The following CYBC1 variants were observed in gnomAD, a reference collection of about 807,000 sequenced individuals.
CYBC1 encodes the protein cytochrome b-245 chaperone 1.
A neutral mutation model predicts 21.7 loss-of-function variants in CYBC1; 22 were observed. The ratio of observed to expected loss-of-function variants is 1.02; its 90% confidence interval spans 0.73 to 1.45. The LOEUF is 1.45. Among genes scored for constraint, CYBC1 ranks in the 40% most tolerant of loss-of-function variants. The probability of loss-of-function intolerance (pLI) is 0.00; values close to 1 mark genes in which losing one functional copy is unlikely to be tolerated. For synonymous variants in CYBC1, 112 were observed against 98.7 expected (o/e 1.13, Z -0.80); for missense variants, 237 against 242.1 (o/e 0.98, Z 0.14).
chr17:82,445,892 C>A lies in CYBC1; in HGVS notation c.270G>T (p.Leu90=), dbSNP rs1043708172. Reference sequence around the variant, plus strand: ...GGTCGTGGCCAGCTCTGAAAAGAGTCAGCAGCTTCTTGTAGAGGCTGAACG... The same window carrying A: ...GGTCGTGGCCAGCTCTGAAAAGAGTAAGCAGCTTCTTGTAGAGGCTGAACG... ...LKTFSLYKKL[L]TLFRAGHDQV... Residue 90 remains leucine, a synonymous_variant, in exon 5 of 7, where the codon CTG becomes CTT. Transcript: ENST00000306645. 1 of 1,613,034 alleles carries A rather than the reference C, an allele frequency of 6.2e-7. No homozygotes were observed. Among genetic ancestry groups the A allele is most frequent in the Admixed American group, 1.7e-5 (1 of 59,854 alleles).
chr17:82,444,672 C>G, intron 5 of CYBC1, 81 bp from the exon 6 acceptor site: 2 of 1,485,324 alleles, frequency 1.3e-6, no homozygotes, highest in African/African-American at 1.4e-5. Flanking sequence ...CTGGCATCAT[C>G]GAAAGCGACA....
intron 3 of CYBC1, chr17:82,447,008 C>T (rs2054335075): frequency 2.1e-6 from 1 of 465,596 alleles, no homozygotes; most frequent in Admixed American, 3.8e-5. Flanking sequence ...CTTAGATCCT[C>T]AAGAGCATCT....
Position 82,445,907 on chromosome 17 carries a change from G to A in CYBC1, c.255C>T (p.Leu85=), listed in dbSNP as rs1350496429. The A allele has an allele frequency of 6.2e-7, 1 of 1,613,732 alleles. No homozygotes were observed. The highest frequency in any genetic ancestry group is 2.2e-5 in the East Asian group (1 of 44,888). ...TGKVVLKTFS[L]YKKLLTLFRA... is the part of the protein sequence containing the mutation. ...TGAAAAGAGTCAGCAGCTTCTTGTAGAGGCTGAACGTCTTCAAAACAACCT... is the reference window on the plus strand; with the variant it reads ...TGAAAAGAGTCAGCAGCTTCTTGTAAAGGCTGAACGTCTTCAAAACAACCT... The change falls in exon 5 of 7, where the codon CTC becomes CTT. Residue 85 remains leucine (L), a synonymous_variant. Coordinates refer to ENST00000306645, the MANE Select transcript of CYBC1 (RefSeq NM_001033046.4).
intron 5 of CYBC1, chr17:82,445,287 G>A (rs1321967370): frequency 6.4e-6 from 1 of 156,292 alleles, no homozygotes; most frequent in Non-Finnish European, 1.4e-5. Context: ...GACCACAGCT[G>A]GGCCAGTGCC....
intron 4 of CYBC1, 120 bp downstream of exon 4, chr17:82,446,503 C>G: frequency 2.3e-6 from 2 of 879,808 alleles, no homozygotes; most frequent in South Asian, 1.5e-5. Flanking sequence ...CAGGGACCAA[C>G]GCTTCAGGAC....
chr17:82,449,750 A>ATCTCAGCTCTC (rs1457519342), intron 1 of CYBC1: 1 of 154,402 alleles, frequency 6.5e-6, no homozygotes, highest in African/African-American at 2.4e-5. Context: ...TGGACCAACG[A>ATCTCAGCTCTC]TCTCAGCTCT....
chr17:82,446,008 C>T, intron 4 of CYBC1, 48 bp from the exon 5 acceptor site: 3 of 1,531,742 alleles, frequency 2.0e-6, no homozygotes, highest in South Asian at 1.1e-5. Flanking sequence ...GGAACGGGGG[C>T]CCCGTGGCCG....
chr17:82,446,784 G>C (rs2054320286), intron 3 of CYBC1, 88 bp from the exon 4 acceptor site: 2 of 1,371,208 alleles, frequency 1.5e-6, no homozygotes, highest in African/African-American at 1.4e-5. Context: ...CCAGACGCTG[G>C]CCAGAGCCCA....
rs764719273 is a variant in CYBC1, at chr17:82,443,576, G to A, written c.*428C>T. The stretch of plus-strand genomic sequence containing the variant: ...CCTGGCCCCGCCTCTCCACTCGCCC[G>A]AGGTCTTGCTGTGGCCCAAAGCAGG... On this transcript the variant is annotated 3_prime_UTR_variant, in exon 7 of 7. Transcript: ENST00000306645. The surrounding 1 kb of genome is among the most constrained non-coding windows in gnomAD (Gnocchi z 6.7). The A allele has an allele frequency of 1.4e-4, 97 of 696,572 alleles. No homozygotes were observed. Among genetic ancestry groups the A allele is most frequent in the South Asian group, 1.8e-4 (12 of 67,140 alleles). 43.1% of individuals were successfully genotyped at this position (696,572 alleles called of 1,614,324 possible).
chr17:82,445,948 C>T lies in CYBC1; in HGVS notation c.214G>A (p.Asp72Asn), dbSNP rs760847118. 112 of 1,613,408 alleles carry T rather than the reference C, an allele frequency of 6.9e-5. 1 individual carries two copies. In the South Asian group the frequency reaches 9.4e-4, roughly 14 times the overall value. ...AAAACAACCTTCCCTGTGCTCTTGT[C>T]GAAGATGGCTTCCTGGAAACCGACA... is the stretch of plus-strand genomic sequence containing the variant. Reference protein sequence around the residue: ...NLEDWEEAIFDKSTGKVVLKT... With the variant: ...NLEDWEEAIFNKSTGKVVLKT... Residue 72 changes from aspartate to asparagine, a missense_variant, in exon 5 of 7, where the codon GAC (aspartate) becomes AAC (asparagine). Transcript: ENST00000306645.
intron 4 of CYBC1, 102 bp downstream of exon 4, chr17:82,446,521 C>T (rs2054296055): frequency 5.2e-6 from 6 of 1,143,314 alleles, no homozygotes; most frequent in Middle Eastern, 2.0e-4. Context: ...GACGGGGAGG[C>T]GCTAGGCCAC....
rs959635819 is a variant in CYBC1 at position 82,447,423 on chromosome 17, C to T, written c.127+157G>A. 1.5e-4 allele frequency: 103 copies of T among 687,496 alleles called. 1 individual carries two copies. In the Admixed American group the frequency reaches 2.1e-3, roughly 14 times the overall value. 42.6% of individuals were successfully genotyped at this position (687,496 alleles called of 1,614,324 possible). ...GGATGGGCGTGCGGAAGAACAGCAG[C>T]GCATGGAGGGCGCGGTGCCCGCCAG... On this transcript the variant is annotated intron_variant, in intron 3 of 6. Transcript: ENST00000306645.
intron 2 of CYBC1, 126 bp downstream of exon 2, chr17:82,449,044 G>T (rs2143753945): frequency 2.6e-6 from 2 of 774,058 alleles, no homozygotes; most frequent in East Asian, 2.8e-5. Context: ...TGGATACAAA[G>T]AAACAAAATA....
chr17:82,449,377 G>A, intron 1 of CYBC1, 85 bp from the exon 2 acceptor site: 2 of 632,824 alleles, frequency 3.2e-6, no homozygotes, highest in Non-Finnish European at 5.0e-6. Flanking sequence ...GAGGCCAAGA[G>A]CAGGTCCCCC....
In CYBC1 at chr17:82,445,967, AC is replaced by A. The variant is rs1184091960; in HGVS notation, c.202-8del. 2 of 1,612,206 alleles carry A rather than the reference AC, an allele frequency of 1.2e-6. No homozygotes were observed. Among genetic ancestry groups the A allele is most frequent in the African/African-American group, 2.7e-5 (2 of 74,844 alleles). On this transcript the variant is annotated splice_region_variant and splice_polypyrimidine_tract_variant and intron_variant, in intron 4 of 6. Transcript: ENST00000306645. The stretch of plus-strand genomic sequence containing the variant: ...TCTTGTCGAAGATGGCTTCCTGGAA[AC>A]CGACATGCACTGACCACCATGAACC...
At position 82,445,883 on chromosome 17, in the gene CYBC1, G is replaced by A; in HGVS notation, c.279C>T (p.Phe93=). The A allele has an allele frequency of 6.2e-7, 1 of 1,612,694 alleles. No individual in the cohort carries two copies. Among genetic ancestry groups the A allele is most frequent in the African/African-American group, 1.3e-5 (1 of 75,030 alleles). The change falls in exon 5 of 7, where the codon TTC becomes TTT. Residue 93 remains phenylalanine (F), a synonymous_variant. Coordinates refer to ENST00000306645, the MANE Select transcript of CYBC1 (RefSeq NM_001033046.4). ...FSLYKKLLTL[F]RAGHDQVVVL... The stretch of plus-strand genomic sequence containing the variant: ...ACTCACCCTGGTCGTGGCCAGCTCT[G>A]AAAAGAGTCAGCAGCTTCTTGTAGA...
intron 2 of CYBC1, chr17:82,448,003 A>G (rs1396413686): frequency 9.4e-6 from 3 of 317,718 alleles, no homozygotes; most frequent in Admixed American, 5.0e-5. Flanking sequence ...GTGAGGCTCC[A>G]TAACTGACAC....
At position 82,444,436 on chromosome 17, in the gene CYBC1, C is replaced by T. The variant is rs2054156361; in HGVS notation, c.443+11G>A. 4.4e-6 allele frequency: 7 copies of T among 1,597,342 alleles called. No individual in the cohort carries two copies. Among genetic ancestry groups the T allele is most frequent in the Non-Finnish European group, 6.0e-6 (7 of 1,168,188 alleles). On this transcript the variant is annotated intron_variant, in intron 6 of 6. Coordinates refer to ENST00000306645, the MANE Select transcript of CYBC1 (RefSeq NM_001033046.4). ...TGCAGCTCCGGCCAGATCAAAGTCC[C>T]ACAGCCTTACCTGCGGTGGCCCATG...
Position 82,444,518 on chromosome 17 carries a change from G to A in CYBC1, c.372C>T (p.Tyr124=). 1 of 1,614,080 alleles carries A rather than the reference G, an allele frequency of 6.2e-7. No individual in the cohort carries two copies. The highest frequency in any genetic ancestry group is 8.5e-7 in the Non-Finnish European group (1 of 1,179,976). The change falls in exon 6 of 7, where the codon TAC becomes TAT. Residue 124 remains tyrosine (Y), a synonymous_variant. Transcript: ENST00000306645. ...CCGTCGCAAGCCGGAGCACCACCAT[G>A]TAGCCTTTCCCGAAGTACCGGACCT... ...EEKVRYFGKG[Y]MVVLRLATGF...
Sources: allele counts gnomAD v4.1 joint callset, GRCh38; gene constraint gnomAD v4.1.1; non-coding constraint Gnocchi (gnomAD v3.1); transcripts MANE v1.5; gene names NCBI Gene and HGNC (gene_info 2026-07-23, HGNC 2026-07-21).